The following MGA variants were observed in gnomAD, a reference collection of about 807,000 sequenced individuals.
MGA encodes MAX gene-associated protein.
MGA carries 40 observed loss-of-function variants against 261.1 expected under a neutral mutation model. That is an observed-to-expected ratio of 0.15 (90% CI 0.12 to 0.20). The LOEUF (loss-of-function observed/expected upper bound fraction) is 0.20. Ranked by LOEUF, MGA falls within the 10% of genes least tolerant of loss-of-function variation. The probability of loss-of-function intolerance (pLI) is 1.00; values close to 1 mark genes in which losing one functional copy is unlikely to be tolerated. For synonymous variants in MGA, 1,302 were observed against 1,290.6 expected (o/e 1.01, Z -0.19); for missense variants, 3,397 against 3,630.5 (o/e 0.94, Z 1.65).
upstream of MGA, among the ~76,000 whole-genome samples, chr15:41,656,301 G>A (rs1316663614): frequency 2.8e-5 from 4 of 143,392 alleles, no homozygotes; most frequent in Non-Finnish European, 6.1e-5. Flanking sequence ...ATGTGGGGCA[G>A]CAAGGAGGAA....
In MGA at chr15:41,769,747, T is replaced by G. The variant is rs572829108; in HGVS notation, c.*2467T>G. On this transcript the variant is annotated 3_prime_UTR_variant, in exon 24 of 24. Coordinates refer to ENST00000219905, the MANE Select transcript of MGA (RefSeq NM_001164273.2). ...CCAATAATTCACCTTTTTATACATC[T>G]GTAAATAAATGGAATGTTTTTAAGA... 1 of 152,752 alleles carries G rather than the reference T, an allele frequency of 6.5e-6. No individual in the cohort carries two copies. Among genetic ancestry groups the G allele is most frequent in the South Asian group, 2.1e-4 (1 of 4,828 alleles). The allele number at this position is 152,752 out of a possible 1,614,324, so 9.5% of individuals were successfully genotyped here.
chr15:41,692,946 C>T lies in MGA; in HGVS notation c.1065-3129C>T, dbSNP rs373531837. ...CTCCTGACCTCAGGTAGTCCACCTG[C>T]ATCAGCCTCCCAAAGTGCTAGGATT... On this transcript the variant is annotated intron_variant, in intron 2 of 23. Transcript: ENST00000219905. Among the ~76,000 whole-genome samples the T allele has an allele frequency of 3.9e-4, 60 of 152,256 alleles. 2 individuals carry two copies. In the East Asian group the frequency reaches 0.011, roughly 27 times the overall value.
chr15:41,625,837 G>A (rs147955703), intron 1 of MGA, among the ~76,000 whole-genome samples: 1,589 of 152,260 alleles, frequency 0.01, 13 homozygotes, highest in Non-Finnish European at 0.014. Context: ...AGTGAACAAA[G>A]CAGATTACAA....
At chr15:41,711,690 T>G (rs954183793) in intron 8 of MGA, among the ~76,000 whole-genome samples, 18 of 152,102 alleles carry the variant, frequency 1.2e-4, no homozygotes, top group Non-Finnish European at 4.4e-5. Context: ...ACTTTGAAAA[T>G]TGTGCTTTTA....
intron 9 of MGA, among the ~76,000 whole-genome samples, chr15:41,718,203 A>G (rs1190383541): frequency 6.6e-6 from 1 of 151,244 alleles, no homozygotes; most frequent in Non-Finnish European, 1.5e-5. Flanking sequence ...TTAAATTGAT[A>G]AAAATTCAAC....
At chr15:41,660,149 C>G (rs1276942034), upstream of MGA, among the ~76,000 whole-genome samples, 2 of 152,254 alleles carry the variant, frequency 1.3e-5, no homozygotes, top group African/African-American at 4.8e-5. Flanking sequence ...GTGTGCAAGC[C>G]TGAGGAGTTT....
At chr15:41,666,155 A>G (rs773592541) in intron 1 of MGA, among the ~76,000 whole-genome samples, 1 of 151,068 alleles carries the variant, frequency 6.6e-6, no homozygotes, top group South Asian at 2.1e-4. Flanking sequence ...TGGGCCTCCT[A>G]AAGTGATGGA....
chr15:41,638,325 G>A (rs866788896), intron 1 of MGA, among the ~76,000 whole-genome samples: 3 of 151,598 alleles, frequency 2.0e-5, no homozygotes, highest in Middle Eastern at 6.8e-3. Context: ...TTATGGGCAT[G>A]TGCCTGGCCA....
intron 8 of MGA, among the ~76,000 whole-genome samples, chr15:41,712,482 T>G (rs1395893370): frequency 6.6e-6 from 1 of 152,180 alleles, no homozygotes; most frequent in Non-Finnish European, 1.5e-5. Context: ...CCTCCCAAAG[T>G]GCTAGGATTA....
intron 15 of MGA, among the ~76,000 whole-genome samples, chr15:41,748,281 G>A (rs1167711569): frequency 6.6e-6 from 1 of 152,032 alleles, no homozygotes; most frequent in Non-Finnish European, 1.5e-5. Context: ...GACTGGGCGC[G>A]GTGGCTCACG....
At chr15:41,664,578 T>C (rs2057618351) in intron 1 of MGA, among the ~76,000 whole-genome samples, 1 of 152,326 alleles carries the variant, frequency 6.6e-6, no homozygotes, top group South Asian at 2.1e-4. Context: ...GCCTTAGTCA[T>C]ATGAAATGCA....
intron 22 of MGA, among the ~76,000 whole-genome samples, chr15:41,763,090 TC>T (rs2063576395): frequency 1.4e-5 from 2 of 138,562 alleles, no homozygotes; most frequent in African/African-American, 2.6e-5. Context: ...TTTTCTTTCT[TC>T]CTTTTTTTTT....
At chr15:41,712,020 T>A (rs1261829314) in intron 8 of MGA, among the ~76,000 whole-genome samples, 1 of 152,188 alleles carries the variant, frequency 6.6e-6, no homozygotes, top group Non-Finnish European at 1.5e-5. Context: ...TAAAAGATAC[T>A]AAATCCCAGG....
At chr15:41,656,344 T>TCTTCTCTCTCTCTCTCTCTCTCTCTC (rs149903830), upstream of MGA, among the ~76,000 whole-genome samples, 1 of 59,988 alleles carries the variant, frequency 1.7e-5, no homozygotes, top group African/African-American at 4.8e-5. Context: ...CTCTCCTCTC[T>TCTTCTCTCTCTCTCTCTCTCTCTCTC]TCTCTCTCTC....
At chr15:41,634,839 C>T (rs750938599) in intron 1 of MGA, among the ~76,000 whole-genome samples, 32 of 152,090 alleles carry the variant, frequency 2.1e-4, no homozygotes, top group Non-Finnish European at 4.0e-4. Context: ...ATTGAGACCT[C>T]GAGCTTCAGG....
At chr15:41,741,961 C>T (rs1263825105) in intron 14 of MGA, among the ~76,000 whole-genome samples, 4 of 151,812 alleles carry the variant, frequency 2.6e-5, no homozygotes, top group South Asian at 2.1e-4. Flanking sequence ...CTGCCCACCT[C>T]GGCCTCCCAA....
chr15:41,688,730 AT>A (rs71108117), intron 2 of MGA, among the ~76,000 whole-genome samples: 107,278 of 151,646 alleles, frequency 0.71, 40,040 homozygotes, highest in East Asian at 0.89. Flanking sequence ...CCTCTTTGTA[AT>A]TTTTTTAGTG....
At position 41,708,230 on chromosome 15, in the gene MGA, T is replaced by G. The variant is rs781291473; in HGVS notation, c.2425+22T>G. ...GAAGGTAATTAGTTTTTTAAAATTT[T>G]TTAAATGTTCTGAAACATGTAGCCA... On this transcript the variant is annotated intron_variant, in intron 7 of 23. Coordinates refer to ENST00000219905, the MANE Select transcript of MGA (RefSeq NM_001164273.2). 16 of 1,488,484 alleles carry G rather than the reference T, an allele frequency of 1.1e-5. No individual in the cohort carries two copies. The Admixed American group carries it at 3.0e-4, about 28-fold the overall frequency. The allele number at this position is 1,488,484 out of a possible 1,614,324, so 92.2% of individuals were successfully genotyped here. A position where few individuals can be genotyped will look rare whatever the true frequency, so the allele number is the denominator to read the frequency against.
upstream of MGA, among the ~76,000 whole-genome samples, chr15:41,659,734 C>A (rs1419269210): frequency 6.6e-6 from 1 of 152,238 alleles, no homozygotes; most frequent in Non-Finnish European, 1.5e-5. Context: ...TTAGATAACA[C>A]ACTCCTGCAT....
Sources: gnomAD v4.1 joint callset for allele counts (sites outside exome capture counted in the v4.1 genomes callset) on GRCh38, gnomAD v4.1.1 for gene constraint, MANE v1.5 for transcripts, NCBI Gene and HGNC (gene_info 2026-07-23, HGNC 2026-07-21) for gene names.